RABGAP1L: variants seen among roughly 807,000 people sequenced by gnomAD.
RABGAP1L encodes the protein RAB GTPase activating protein 1 like.
RABGAP1L carries 63 observed loss-of-function variants against 137.7 expected under a neutral mutation model. The observed-to-expected ratio is 0.46, with a 90% CI of 0.37 to 0.56. RABGAP1L has a LOEUF of 0.56. Among genes scored for constraint, RABGAP1L ranks in the 20% least tolerant of loss-of-function variants. The pLI is 0.00. For missense variants in RABGAP1L, 1,095 were observed against 1,244.0 expected (o/e 0.88, Z 1.80); for synonymous variants, 431 against 433.7 (o/e 0.99, Z 0.08).
At chr1:174,664,046 A>T (rs1416764153) in intron 14 of RABGAP1L, among the ~76,000 whole-genome samples, 1 of 152,186 alleles carries the variant, frequency 6.6e-6, no homozygotes, top group Non-Finnish European at 1.5e-5. Context: ...CCATGAGTTC[A>T]ATATTAATGA....
intron 13 of RABGAP1L, among the ~76,000 whole-genome samples, chr1:174,455,077 A>G (rs1655895584): frequency 1.3e-5 from 2 of 152,204 alleles, no homozygotes; most frequent in Admixed American, 6.5e-5. Flanking sequence ...AATAACAGTA[A>G]TAAATTTAGC....
At chr1:174,736,007 C>A (rs1369325619) in intron 17 of RABGAP1L, among the ~76,000 whole-genome samples, 1 of 152,176 alleles carries the variant, frequency 6.6e-6, no homozygotes, top group Non-Finnish European at 1.5e-5. Flanking sequence ...ATATCCAGCC[C>A]ATGTCATTCT....
chr1:174,267,324 A>G (rs140032792), intron 7 of RABGAP1L, among the ~76,000 whole-genome samples: 32 of 152,326 alleles, frequency 2.1e-4, no homozygotes, highest in Non-Finnish European at 4.0e-4. Flanking sequence ...TCGCTATAGA[A>G]GTAACTTTGA....
chr1:174,276,914 G>A (rs1435278297), intron 9 of RABGAP1L, among the ~76,000 whole-genome samples: 2 of 151,818 alleles, frequency 1.3e-5, no homozygotes, highest in South Asian at 4.2e-4. Flanking sequence ...TACCTGCCGA[G>A]TTATATGCCT....
intron 14 of RABGAP1L, among the ~76,000 whole-genome samples, chr1:174,641,396 A>G (rs764074142): frequency 9.9e-5 from 15 of 152,066 alleles, no homozygotes; most frequent in Non-Finnish European, 1.5e-4. Flanking sequence ...GTTGTCATTA[A>G]TTTGTATGGG....
In RABGAP1L at chr1:174,726,715, T is replaced by C. The variant is rs1376815254; in HGVS notation, c.2169+24459T>C. On this transcript the variant is annotated intron_variant, in intron 17 of 25. Coordinates refer to ENST00000681986, the MANE Select transcript of RABGAP1L (RefSeq NM_001366446.1). ...TTCTCTTATGTATGGTGCCATCTGC[T>C]GTTTGTGGGAAGTATTTTATATTTT... Among the ~76,000 whole-genome samples the C allele has an allele frequency of 2.0e-5, 3 of 152,166 alleles. No homozygotes were observed. In the East Asian group the frequency reaches 5.8e-4, roughly 29 times the overall value.
At chr1:174,285,640 A>G (rs966837006) in intron 10 of RABGAP1L, among the ~76,000 whole-genome samples, 1 of 151,838 alleles carries the variant, frequency 6.6e-6, no homozygotes, top group Non-Finnish European at 1.5e-5. Context: ...TGCTCCTGCT[A>G]GGACTTTCAG....
intron 19 of RABGAP1L, among the ~76,000 whole-genome samples, chr1:174,900,284 T>C (rs1318495706): frequency 2.0e-5 from 3 of 152,212 alleles, no homozygotes; most frequent in Admixed American, 6.5e-5. Context: ...GGAGCGGGCC[T>C]GATCATAAGA....
At chr1:174,795,415 CT>C (rs1450898287) in intron 18 of RABGAP1L, among the ~76,000 whole-genome samples, 1 of 152,110 alleles carries the variant, frequency 6.6e-6, no homozygotes, top group Non-Finnish European at 1.5e-5. Flanking sequence ...ACAAACAAAC[CT>C]TATTAACTAG....
intron 17 of RABGAP1L, among the ~76,000 whole-genome samples, chr1:174,749,389 G>A (rs973806574): frequency 6.0e-5 from 9 of 150,824 alleles, no homozygotes; most frequent in African/African-American, 2.2e-4. Flanking sequence ...GGAGTGCAAT[G>A]GTGTGATCTT....
intron 13 of RABGAP1L, among the ~76,000 whole-genome samples, chr1:174,568,595 A>C (rs919533003): frequency 1.9e-4 from 29 of 152,134 alleles, no homozygotes; most frequent in African/African-American, 6.8e-4. Flanking sequence ...AAGAAAGAGG[A>C]GTTGTAAGTG....
chr1:174,719,132 C>T (rs1186783530), intron 17 of RABGAP1L, among the ~76,000 whole-genome samples: 1 of 152,120 alleles, frequency 6.6e-6, no homozygotes, highest in Non-Finnish European at 1.5e-5. Context: ...AGCCACCGCA[C>T]CCGGCCTATA....
chr1:174,847,558 C>G (rs1386368855), intron 19 of RABGAP1L, among the ~76,000 whole-genome samples: 3 of 142,762 alleles, frequency 2.1e-5, no homozygotes, highest in Non-Finnish European at 4.6e-5. Flanking sequence ...TATTGGCCCC[C>G]ACTCTCTTCT....
At chr1:174,502,226 A>G (rs1273410662) in intron 13 of RABGAP1L, among the ~76,000 whole-genome samples, 22 of 151,920 alleles carry the variant, frequency 1.4e-4, no homozygotes, top group Admixed American at 1.3e-3. Context: ...CTAGAATGCC[A>G]GGCAGAATAT....
At chr1:174,719,908 G>A (rs566415235) in intron 17 of RABGAP1L, among the ~76,000 whole-genome samples, 5 of 152,096 alleles carry the variant, frequency 3.3e-5, no homozygotes, top group African/African-American at 7.2e-5. Context: ...TGCAAGACTT[G>A]TATTTATGAT....
At chr1:174,234,798 G>A (rs1168515427) in intron 4 of RABGAP1L, among the ~76,000 whole-genome samples, 1 of 148,516 alleles carries the variant, frequency 6.7e-6, no homozygotes. Flanking sequence ...TTCCAATTCT[G>A]TGAAGAAAGT....
intron 17 of RABGAP1L, among the ~76,000 whole-genome samples, chr1:174,707,287 A>G (rs909696965): frequency 1.3e-5 from 2 of 151,832 alleles, no homozygotes; most frequent in Non-Finnish European, 2.9e-5. Flanking sequence ...ATAAGAGTCC[A>G]TGAATACGCA....
chr1:174,350,775 C>T (rs1328856489), intron 11 of RABGAP1L, among the ~76,000 whole-genome samples: 8 of 49,964 alleles, frequency 1.6e-4, no homozygotes, highest in Non-Finnish European at 3.2e-4. Flanking sequence ...GCCGAGATCA[C>T]GCCACTGCAC....
chr1:174,721,377 A>G (rs1221718733), intron 17 of RABGAP1L, among the ~76,000 whole-genome samples: 1 of 152,250 alleles, frequency 6.6e-6, no homozygotes, highest in African/African-American at 2.4e-5. Flanking sequence ...CACAAAACTT[A>G]AGGGAAATAT....
Sources: gnomAD v4.1 joint callset for allele counts (sites outside exome capture counted in the v4.1 genomes callset) on GRCh38, gnomAD v4.1.1 for gene constraint, MANE v1.5 for transcripts, NCBI Gene and HGNC (gene_info 2026-07-23, HGNC 2026-07-21) for gene names.